Variants in GRID1 observed in about 807,000 individuals in gnomAD.
GRID1 encodes the protein glutamate ionotropic receptor delta type subunit 1.
Under a neutral mutation model 98.0 loss-of-function variants are expected in GRID1, and 28 were observed. The ratio of observed to expected loss-of-function variants is 0.29; its 90% confidence interval spans 0.21 to 0.39. GRID1 has a LOEUF of 0.39. GRID1 is among the 10% of genes least tolerant of loss of function. GRID1 has a pLI of 1.00. For missense variants in GRID1, 1,111 were observed against 1,340.5 expected (o/e 0.83, Z 2.67); for synonymous variants, 553 against 538.5 (o/e 1.03, Z -0.37).
chr10:86,124,346 C>T (rs1208163750), intron 4 of GRID1, among the ~76,000 whole-genome samples: 1 of 152,178 alleles, frequency 6.6e-6, no homozygotes, highest in African/African-American at 2.4e-5. Context: ...GCTCACCTGG[C>T]ACCAGGTACA....
intron 8 of GRID1, among the ~76,000 whole-genome samples, chr10:85,745,910 A>C (rs1482269301): frequency 6.6e-6 from 1 of 152,142 alleles, no homozygotes; most frequent in African/African-American, 2.4e-5. Flanking sequence ...CAAGAGCTCA[A>C]AGAGTAGAGT....
intron 4 of GRID1, among the ~76,000 whole-genome samples, chr10:85,939,857 G>T (rs1841975035): frequency 6.6e-6 from 1 of 152,080 alleles, no homozygotes; most frequent in Non-Finnish European, 1.5e-5. Context: ...CCTGAGGTCA[G>T]GAGTTCGAGA....
intron 4 of GRID1, among the ~76,000 whole-genome samples, chr10:85,975,234 G>A (rs1055218481): frequency 8.5e-5 from 13 of 152,158 alleles, no homozygotes; most frequent in East Asian, 1.9e-4. Context: ...TGCACAACCC[G>A]AAAAGCCATC....
chr10:85,727,239 TG>T (rs1363418599), intron 10 of GRID1, among the ~76,000 whole-genome samples: 1 of 151,986 alleles, frequency 6.6e-6, no homozygotes, highest in Non-Finnish European at 1.5e-5. Context: ...GGAGAAATAA[TG>T]GAGATGGAGG....
intron 8 of GRID1, among the ~76,000 whole-genome samples, chr10:85,785,613 G>A (rs756997619): frequency 1.3e-5 from 2 of 152,070 alleles, no homozygotes; most frequent in East Asian, 1.9e-4. Flanking sequence ...TCCTCCAGTC[G>A]CCAAGGACAG....
At chr10:85,835,160 G>A (rs1842902039) in intron 8 of GRID1, among the ~76,000 whole-genome samples, 2 of 152,104 alleles carry the variant, frequency 1.3e-5, no homozygotes, top group South Asian at 2.1e-4. Flanking sequence ...CCAAACAACA[G>A]ATCTTCAAAA....
At chr10:86,018,109 A>G (rs1843002396) in intron 4 of GRID1, among the ~76,000 whole-genome samples, 1 of 152,228 alleles carries the variant, frequency 6.6e-6, no homozygotes, top group African/African-American at 2.4e-5. Flanking sequence ...AGAGAACGAT[A>G]TGGAGCAACA....
intron 12 of GRID1, among the ~76,000 whole-genome samples, chr10:85,699,371 G>A (rs940991069): frequency 6.6e-6 from 1 of 152,086 alleles, no homozygotes; most frequent in African/African-American, 2.4e-5. Context: ...TGAGTTTTAA[G>A]AGTTCTTTGT....
At chr10:85,762,233 A>T (rs1257501188) in intron 8 of GRID1, among the ~76,000 whole-genome samples, 1 of 152,224 alleles carries the variant, frequency 6.6e-6, no homozygotes, top group African/African-American at 2.4e-5. Flanking sequence ...TATGCATGAT[A>T]ATTAAATTTG....
intron 2 of GRID1, among the ~76,000 whole-genome samples, chr10:86,313,649 G>A (rs1018533707): frequency 1.2e-4 from 18 of 152,142 alleles, no homozygotes; most frequent in East Asian, 7.7e-4. Flanking sequence ...GAACTTGCCC[G>A]CCTATCACCA....
intron 12 of GRID1, among the ~76,000 whole-genome samples, chr10:85,707,325 C>G (rs1379009540): frequency 6.6e-6 from 1 of 152,124 alleles, no homozygotes; most frequent in Non-Finnish European, 1.5e-5. Context: ...AGACACTTCT[C>G]AAAAGAAGAC....
chr10:86,146,863 A>T lies in GRID1; in HGVS notation c.521-7839T>A, dbSNP rs1201281712. 2.0e-5 allele frequency among the ~76,000 whole-genome samples: 3 copies of T among 152,310 alleles called. No individual in the cohort carries two copies. The East Asian group carries it at 5.8e-4, about 29-fold the overall frequency. ...AGAATGTGTTCCATTTGCAGACAGT[A>T]CTTCATAAATAAATGAAGTCCCTGC... is the stretch of plus-strand genomic sequence containing the variant. On this transcript the variant is annotated intron_variant, in intron 3 of 15. Coordinates refer to ENST00000327946, the MANE Select transcript of GRID1 (RefSeq NM_017551.3).
At chr10:85,612,294 C>A (rs1295012148) in intron 15 of GRID1, among the ~76,000 whole-genome samples, 2 of 81,686 alleles carry the variant, frequency 2.4e-5, no homozygotes, top group Admixed American at 1.4e-4. Flanking sequence ...CAAATCCCTT[C>A]CCCAAATCAG....
At chr10:86,355,340 G>A (rs1356475513) in intron 2 of GRID1, among the ~76,000 whole-genome samples, 8 of 152,258 alleles carry the variant, frequency 5.3e-5, no homozygotes, top group African/African-American at 1.9e-4. Context: ...AGCACAGTGG[G>A]GGACCAGGGT....
chr10:86,150,738 A>G lies in GRID1; in HGVS notation c.521-11714T>C, dbSNP rs943886521. On this transcript the variant is annotated intron_variant, in intron 3 of 15. Transcript: ENST00000327946. ...GGGGTTTTGGGAGGTAATTAGGGTT[A>G]TAAGGGCAGAGACCTCCTGGTTGGA... 2.0e-5 allele frequency among the ~76,000 whole-genome samples: 3 copies of G among 152,224 alleles called. No individual in the cohort carries two copies. The East Asian group carries it at 5.8e-4, about 29-fold the overall frequency.
At chr10:85,926,263 G>A (rs1841773267) in intron 4 of GRID1, among the ~76,000 whole-genome samples, 1 of 152,108 alleles carries the variant, frequency 6.6e-6, no homozygotes. Context: ...TCTTACCTCG[G>A]CCACCTGGGC....
Position 85,619,858 on chromosome 10 carries a change from C to T in GRID1, c.2360+9G>A, listed in dbSNP as rs753957022. Reference sequence around the variant, plus strand: ...AGGCAGCGGTAGTTACCTTGCTGCCCAAGCCTACCTCTGGGAGAAGAGGTC... The same window carrying T: ...AGGCAGCGGTAGTTACCTTGCTGCCTAAGCCTACCTCTGGGAGAAGAGGTC... On this transcript the variant is annotated intron_variant, in intron 14 of 15. Transcript: ENST00000327946. 1.2e-6 allele frequency: 2 copies of T among 1,612,238 alleles called. No homozygotes were observed. Among genetic ancestry groups the T allele is most frequent in the South Asian group, 1.1e-5 (1 of 91,018 alleles).
intron 2 of GRID1, among the ~76,000 whole-genome samples, chr10:86,208,396 G>A (rs67828258): frequency 0.27 from 41,045 of 151,722 alleles, 6,724 homozygotes; most frequent in Non-Finnish European, 0.38. Context: ...AATCCATTGC[G>A]TGCCCTGCTG....
chr10:86,085,431 A>G (rs905330252), intron 4 of GRID1, among the ~76,000 whole-genome samples: 1 of 152,204 alleles, frequency 6.6e-6, no homozygotes, highest in South Asian at 2.1e-4. Context: ...GAAAACAGGC[A>G]TGAAAGCAGG....
Sources: allele counts gnomAD v4.1 joint callset (sites outside exome capture counted in the v4.1 genomes callset), GRCh38; gene constraint gnomAD v4.1.1; transcripts MANE v1.5; gene names NCBI Gene and HGNC (gene_info 2026-07-23, HGNC 2026-07-21).